The following SLIT3 variants were observed in gnomAD, a reference collection of about 807,000 sequenced individuals.
The protein encoded by SLIT3 is slit homolog 3 protein.
SLIT3 carries 68 observed loss-of-function variants against 184.0 expected under a neutral mutation model. The ratio of observed to expected loss-of-function variants is 0.37; its 90% CI spans 0.30 to 0.45. SLIT3 has a LOEUF of 0.45. Among genes scored for constraint, SLIT3 ranks in the 20% least tolerant of loss-of-function variants. SLIT3 has a pLI of 1.00. For synonymous variants in SLIT3, 831 were observed against 828.6 expected, an observed-to-expected ratio of 1.00 and a Z score of -0.05; for missense variants, 1,707 against 2,026.0, an observed-to-expected ratio of 0.84 and a Z score of 3.02.
At chr5:169,187,054 T>G (rs1156649117) in intron 4 of SLIT3, among the ~76,000 whole-genome samples, 1 of 148,136 alleles carries the variant, frequency 6.8e-6, no homozygotes, top group Non-Finnish European at 1.5e-5. Flanking sequence ...TATAACTGAA[T>G]GGAGAATAAA....
At chr5:168,782,370 A>G (rs1034193503) in intron 12 of SLIT3, among the ~76,000 whole-genome samples, 2 of 152,172 alleles carry the variant, frequency 1.3e-5, no homozygotes, top group African/African-American at 4.8e-5. Flanking sequence ...GACTCCCTGG[A>G]GGGGAGGTGT....
chr5:169,131,339 T>A (rs1416895647), intron 4 of SLIT3, among the ~76,000 whole-genome samples: 1 of 152,196 alleles, frequency 6.6e-6, no homozygotes, highest in African/African-American at 2.4e-5. Flanking sequence ...TTGCTAGAAA[T>A]GCAGGTTCTC....
At chr5:168,796,214 GC>G (rs1235803475) in intron 9 of SLIT3, among the ~76,000 whole-genome samples, 10 of 152,186 alleles carry the variant, frequency 6.6e-5, no homozygotes, top group Non-Finnish European at 1.5e-5. Context: ...TGGAATCTGT[GC>G]CTTTAACCTC....
At chr5:169,257,522 T>G (rs1381788752) in intron 1 of SLIT3, among the ~76,000 whole-genome samples, 1 of 149,422 alleles carries the variant, frequency 6.7e-6, no homozygotes, top group East Asian at 2.0e-4. Flanking sequence ...TACAATAGCT[T>G]TCTATGCCTC....
Position 168,919,031 on chromosome 5 carries a change from C to T in SLIT3, c.414-35695G>A, listed in dbSNP as rs62377192. Among the ~76,000 whole-genome samples, 1,051 of 152,090 alleles carry T rather than the reference C, an allele frequency of 6.9e-3. 5 individuals are homozygous for T. The highest frequency in any genetic ancestry group is 0.01 in the Non-Finnish European group (708 of 67,982). The stretch of plus-strand genomic sequence containing the variant: ...CATAGGATACTTTGGGAGGCTGAGG[C>T]GGGTGGATCACGAGGTCAGGAGATT... On this transcript the variant is annotated intron_variant, in intron 4 of 35. Coordinates refer to ENST00000519560, the MANE Select transcript of SLIT3 (RefSeq NM_003062.4).
chr5:168,819,825 T>C (rs1019533276), intron 7 of SLIT3, among the ~76,000 whole-genome samples: 1 of 152,142 alleles, frequency 6.6e-6, no homozygotes, highest in African/African-American at 2.4e-5. Context: ...ATAGTTCCTA[T>C]CCCTTTGTCC....
chr5:169,279,879 A>G (rs887780258), intron 1 of SLIT3, among the ~76,000 whole-genome samples: 4 of 152,224 alleles, frequency 2.6e-5, no homozygotes, highest in Admixed American at 1.3e-4. Flanking sequence ...AATGGTTGTA[A>G]GAATTAAGAA....
intron 6 of SLIT3, among the ~76,000 whole-genome samples, chr5:168,827,859 T>C (rs1757754363): frequency 6.6e-6 from 1 of 152,186 alleles, no homozygotes; most frequent in Admixed American, 6.5e-5. Flanking sequence ...GTAAAACTGG[T>C]TTTACGCATT....
chr5:169,258,125 A>G (rs1318647236), intron 1 of SLIT3, among the ~76,000 whole-genome samples: 1 of 152,150 alleles, frequency 6.6e-6, no homozygotes, highest in African/African-American at 2.4e-5. Flanking sequence ...ATTTTTACCA[A>G]TAAAGAAATT....
At chr5:168,866,956 G>T (rs569616898) in intron 5 of SLIT3, among the ~76,000 whole-genome samples, 1 of 152,284 alleles carries the variant, frequency 6.6e-6, no homozygotes, top group East Asian at 1.9e-4. Flanking sequence ...CAGGACTAGT[G>T]GGGAGACTAA....
chr5:168,958,467 A>G (rs1266579895), intron 4 of SLIT3, among the ~76,000 whole-genome samples: 1 of 152,350 alleles, frequency 6.6e-6, no homozygotes, highest in East Asian at 1.9e-4. Context: ...AACCTGTGAA[A>G]GATGTATTGT....
At chr5:169,096,477 C>G (rs916600042) in intron 4 of SLIT3, among the ~76,000 whole-genome samples, 1 of 152,224 alleles carries the variant, frequency 6.6e-6, no homozygotes, top group African/African-American at 2.4e-5. Context: ...CTACTGGACT[C>G]TGCCCTTGTG....
At chr5:169,269,013 C>T (rs1204135325) in intron 1 of SLIT3, among the ~76,000 whole-genome samples, 7 of 152,114 alleles carry the variant, frequency 4.6e-5, no homozygotes, top group Admixed American at 3.3e-4. Flanking sequence ...ATAACTTGCC[C>T]CAATTCACAC....
At position 168,702,502 on chromosome 5, in the gene SLIT3, G is replaced by A. The variant is rs182253640; in HGVS notation, c.2845-1823C>T. ...CATGCGTTCTAGGGGCACACAGATG[G>A]GAGTGCACATTCTAAGTTGGCTGCT... On this transcript the variant is annotated intron_variant, in intron 26 of 35. Coordinates refer to ENST00000519560, the MANE Select transcript of SLIT3 (RefSeq NM_003062.4). 6.6e-4 allele frequency among the ~76,000 whole-genome samples: 101 copies of A among 152,194 alleles called. 1 individual carries two copies. Among genetic ancestry groups the A allele is most frequent in the African/African-American group, 2.4e-3 (98 of 41,534 alleles).
chr5:168,750,409 A>G (rs569240427), intron 18 of SLIT3, among the ~76,000 whole-genome samples: 3 of 152,300 alleles, frequency 2.0e-5, no homozygotes, highest in South Asian at 4.1e-4. Flanking sequence ...CTTTTCTCAC[A>G]TGAGGAAAGT....
Position 168,673,184 on chromosome 5 carries a change from G to A in SLIT3, c.3834C>T (p.Tyr1278=), listed in dbSNP as rs1761305842. 2 of 1,613,456 alleles carry A rather than the reference G, an allele frequency of 1.2e-6. No individual in the cohort carries two copies. Among genetic ancestry groups the A allele is most frequent in the Non-Finnish European group, 1.7e-6 (2 of 1,179,780 alleles). ...QPAVGINSPL[Y]LGGIPTSTGL... ...AGGGAAAGAGGGCATTACCTCCAAG[G>A]TAGAGGGGGCTGTTGATGCCCACTG... Residue 1278 remains tyrosine (Y), a synonymous_variant, in exon 33 of 36, where the codon TAC becomes TAT. Transcript: ENST00000519560.
intron 3 of SLIT3, among the ~76,000 whole-genome samples, chr5:169,235,013 A>G (rs1765146245): frequency 6.6e-6 from 1 of 152,174 alleles, no homozygotes; most frequent in Non-Finnish European, 1.5e-5. Flanking sequence ...TTGACCCCTC[A>G]GAGTTGACTT....
At chr5:168,935,336 C>T (rs1762127017) in intron 4 of SLIT3, among the ~76,000 whole-genome samples, 1 of 152,076 alleles carries the variant, frequency 6.6e-6, no homozygotes, top group South Asian at 2.1e-4. Context: ...CTACACTGTG[C>T]ATTGAGGGCC....
intron 4 of SLIT3, among the ~76,000 whole-genome samples, chr5:169,083,635 A>G (rs1561652579): frequency 1.3e-5 from 2 of 152,132 alleles, no homozygotes; most frequent in Admixed American, 1.3e-4. Flanking sequence ...ATCTATATGC[A>G]CTCAATCTGG....
Sources: allele counts gnomAD v4.1 joint callset (sites outside exome capture counted in the v4.1 genomes callset), GRCh38; gene constraint gnomAD v4.1.1; transcripts MANE v1.5; gene names NCBI Gene and HGNC (gene_info 2026-07-23, HGNC 2026-07-21).